DIP2A: variants seen among roughly 807,000 people sequenced by gnomAD.
DIP2A encodes DIP2 acetate--CoA ligase A.
DIP2A carries 85 observed loss-of-function variants against 177.4 expected under a neutral mutation model. The ratio of observed to expected loss-of-function variants is 0.48; its 90% CI spans 0.40 to 0.57. DIP2A has a LOEUF of 0.57. DIP2A is among the 20% of genes least tolerant of loss of function. The pLI, the probability that DIP2A is intolerant of heterozygous loss-of-function variation, is 0.00. For synonymous variants in DIP2A, 886 were observed against 881.8 expected (o/e 1.00, Z -0.08); for missense variants, 1,791 against 2,100.2 (o/e 0.85, Z 2.88).
intron 1 of DIP2A, among the ~76,000 whole-genome samples, chr21:46,477,571 T>TGTGTGTGTG (rs762054063): frequency 0.032 from 2,114 of 66,354 alleles, 55 homozygotes; most frequent in African/African-American, 0.067. Context: ...GTGTGTGTAT[T>TGTGTGTGTG]TCTTTTTTTT....
chr21:46,461,833 G>A (rs1179885951), intron 1 of DIP2A, among the ~76,000 whole-genome samples: 1 of 151,730 alleles, frequency 6.6e-6, no homozygotes, highest in Admixed American at 6.6e-5. Flanking sequence ...GCCCAGGCAG[G>A]AGGATCACTT....
At position 46,557,323 on chromosome 21, in the gene DIP2A, A is replaced by C; in HGVS notation, c.3629+254A>C. The C allele has an allele frequency of 4.8e-6, 3 of 623,204 alleles. No individual in the cohort carries two copies. The highest frequency in any genetic ancestry group is 5.5e-5 in the East Asian group (2 of 36,154). 38.6% of individuals were successfully genotyped at this position (623,204 alleles called of 1,614,324 possible). On this transcript the variant is annotated intron_variant, in intron 30 of 37. Coordinates refer to ENST00000417564, the MANE Select transcript of DIP2A (RefSeq NM_015151.4). This position sits in a 1 kb window ranked among gnomAD's most constrained non-coding sequence, Gnocchi z 6.0. ...TTCCTTCAAACACTAGAAAGTGGCG[A>C]TCCGTCTCTAGAAGTGAATGCCTCT... is the stretch of plus-strand genomic sequence containing the variant.
chr21:46,511,351 C>T, intron 7 of DIP2A, 66 bp from the exon 8 acceptor site: 1 of 1,462,174 alleles, frequency 6.8e-7, no homozygotes, highest in Non-Finnish European at 9.3e-7. Flanking sequence ...ACTATGAATG[C>T]TTAAAAACAG....
intron 8 of DIP2A, among the ~76,000 whole-genome samples, chr21:46,514,617 C>CTTTTTTT (rs752628688): frequency 1.7e-3 from 119 of 70,468 alleles, no homozygotes; most frequent in Middle Eastern, 0.024. Context: ...AACTTTTATT[C>CTTTTTTT]TTTTTTTTTT....
At chr21:46,546,177 C>CG in intron 20 of DIP2A, 1 of 1,328,376 alleles carries the variant, frequency 7.5e-7, no homozygotes, top group Non-Finnish European at 9.6e-7. Flanking sequence ...AGGCCTGAGT[C>CG]GGGGGTCCCC....
the DIP2A span, among the ~76,000 whole-genome samples, chr21:46,578,020 G>T: frequency 2.6e-5 from 4 of 152,188 alleles, no homozygotes; most frequent in African/African-American, 9.7e-5. Flanking sequence ...ATCAGTTTAA[G>T]AAGCTTTTGG....
intron 3 of DIP2A, 30 bp downstream of exon 3, chr21:46,490,749 G>A: frequency 1.9e-6 from 3 of 1,544,490 alleles, no homozygotes; most frequent in Non-Finnish European, 2.6e-6. Flanking sequence ...AGTGGGGAAG[G>A]TGGACGGGCC....
intron 8 of DIP2A, among the ~76,000 whole-genome samples, chr21:46,524,872 C>CTTTTTTTTTTTTTTTTTTTTTTTTTTT (rs3061062): frequency 1.7e-4 from 11 of 63,392 alleles, no homozygotes; most frequent in East Asian, 9.6e-4. Context: ...TTGCTTTTTG[C>CTTTTTTTTTTTTTTTTTTTTTTTTTTT]TTTTTTTTTT....
chr21:46,464,430 C>T (rs2054614493), intron 1 of DIP2A, among the ~76,000 whole-genome samples: 1 of 152,186 alleles, frequency 6.6e-6, no homozygotes, highest in Non-Finnish European at 1.5e-5. Context: ...AGATTCTACT[C>T]ATCTGTCAAA....
In DIP2A at chr21:46,534,707, G is replaced by A; in HGVS notation, c.1642+20G>A. The A allele has an allele frequency of 6.3e-7, 1 of 1,596,456 alleles. No homozygotes were observed. The highest frequency in any genetic ancestry group is 8.5e-7 in the Non-Finnish European group (1 of 1,175,162). On this transcript the variant is annotated intron_variant, in intron 13 of 37. Transcript: ENST00000417564. The stretch of plus-strand genomic sequence containing the variant: ...CAGAAGGTAAGGGCTCTCGGGGGTG[G>A]GGCGGTGGCCCCTCCAGCCTCACAC...
chr21:46,510,753 C>T (rs968664153), intron 7 of DIP2A, among the ~76,000 whole-genome samples: 1 of 151,394 alleles, frequency 6.6e-6, no homozygotes, highest in Non-Finnish European at 1.5e-5. Flanking sequence ...GCCTCAGCCT[C>T]CCGAGTAGCT....
At chr21:46,479,205 A>G (rs1337224466) in intron 1 of DIP2A, among the ~76,000 whole-genome samples, 1 of 152,094 alleles carries the variant, frequency 6.6e-6, no homozygotes, top group Non-Finnish European at 1.5e-5. Context: ...CTACTTGGTG[A>G]TTACTTTTTG....
chr21:46,545,393 G>C, intron 19 of DIP2A, 120 bp downstream of exon 19: 2 of 1,220,226 alleles, frequency 1.6e-6, no homozygotes, highest in Non-Finnish European at 2.3e-6. Context: ...TTCCACACAG[G>C]CGCTGCTGGG....
At chr21:46,529,339 C>T (rs1601693749) in intron 9 of DIP2A, among the ~76,000 whole-genome samples, 156 bp downstream of exon 9, 1 of 152,150 alleles carries the variant, frequency 6.6e-6, no homozygotes, top group South Asian at 2.1e-4. Context: ...GTGGCTCATG[C>T]CTGTAATCCT....
Position 46,558,236 on chromosome 21 carries a change from A to C in DIP2A, c.3812A>C (p.Asn1271Thr), listed in dbSNP as rs1040237802. The change falls in exon 32 of 38, where the codon AAC becomes ACC. Residue 1271 changes from asparagine (N) to threonine (T), a missense_variant. Physicochemically the swap from Asn to Thr is moderately conservative, Grantham distance 65. Coordinates refer to ENST00000417564, the MANE Select transcript of DIP2A (RefSeq NM_015151.4). The part of the protein sequence containing the change: ...QTGVLRMKGV[N>T]LSCVRTCMVV... The stretch of plus-strand genomic sequence containing the variant: ...CCCCTCCCGCAGATGAAGGGGGTGA[A>C]CCTGTCATGTGTGCGCACGTGCATG... 3.1e-6 allele frequency: 5 copies of C among 1,612,000 alleles called. No homozygotes were observed. The highest frequency in any genetic ancestry group is 2.7e-5 in the African/African-American group (2 of 74,906).
Position 46,557,349 on chromosome 21 carries a change from G to A in DIP2A, c.3630-236G>A. 4 of 635,746 alleles carry A rather than the reference G, an allele frequency of 6.3e-6. No individual in the cohort carries two copies. The highest frequency in any genetic ancestry group is 8.7e-4 in the Middle Eastern group (2 of 2,310). The allele number at this position is 635,746 out of a possible 1,614,324, so 39.4% of individuals were successfully genotyped here. A position where few individuals can be genotyped will look rare whatever the true frequency, so the allele number is the denominator to read the frequency against. ...TCCGTCTCTAGAAGTGAATGCCTCT[G>A]GAGTGGTGTCCCCGGATCCTCTCCA... is the stretch of plus-strand genomic sequence containing the variant. On this transcript the variant is annotated intron_variant, in intron 30 of 37. Coordinates refer to ENST00000417564, the MANE Select transcript of DIP2A (RefSeq NM_015151.4). This position sits in a 1 kb window ranked among gnomAD's most constrained non-coding sequence, Gnocchi z 6.0.
intron 19 of DIP2A, 83 bp from the exon 20 acceptor site, chr21:46,545,798 G>T: frequency 6.6e-7 from 1 of 1,517,964 alleles, no homozygotes. Context: ...ACGTGGTGCT[G>T]AGCCTCCTGC....
In DIP2A at chr21:46,537,786, T is replaced by C. The variant is rs1294618384; in HGVS notation, c.1801+247T>C. On this transcript the variant is annotated intron_variant, in intron 15 of 37. Coordinates refer to ENST00000417564, the MANE Select transcript of DIP2A (RefSeq NM_015151.4). This position sits in a 1 kb window ranked among gnomAD's most constrained non-coding sequence, Gnocchi z 4.1. ...CCACTTGGTGGGGTCTGGGCCTTAC[T>C]TCTCTCAACGGTTGAGGTGCCTCCT... Among the ~76,000 whole-genome samples the C allele has an allele frequency of 1.3e-5, 2 of 152,154 alleles. No individual in the cohort carries two copies. Among genetic ancestry groups the C allele is most frequent in the Non-Finnish European group, 2.9e-5 (2 of 68,024 alleles).
At chr21:46,486,181 C>T (rs1322005654) in intron 2 of DIP2A, among the ~76,000 whole-genome samples, 1 of 151,648 alleles carries the variant, frequency 6.6e-6, no homozygotes, top group African/African-American at 2.4e-5. Context: ...ACTGCATTGT[C>T]CAGTATATGA....
Sources: allele counts gnomAD v4.1 joint callset (sites outside exome capture counted in the v4.1 genomes callset), GRCh38; gene constraint gnomAD v4.1.1; non-coding constraint Gnocchi (gnomAD v3.1); transcripts MANE v1.5; gene names NCBI Gene and HGNC (gene_info 2026-07-23, HGNC 2026-07-21).